CNTNAP5: variants seen among roughly 807,000 people sequenced by gnomAD.
The protein encoded by CNTNAP5 is contactin associated protein family member 5, also known as contactin-associated protein-like 5.
A neutral mutation model predicts 150.2 loss-of-function variants in CNTNAP5; 72 were observed. That is an observed-to-expected ratio of 0.48 (90% CI 0.40 to 0.58). The LOEUF is 0.58. Ranked by LOEUF, CNTNAP5 falls within the 20% of genes least tolerant of loss-of-function variation. The pLI, the probability that CNTNAP5 is intolerant of heterozygous loss-of-function variation, is 0.00. For synonymous variants in CNTNAP5, 672 were observed against 619.8 expected, an observed-to-expected ratio of 1.08 and a Z score of -1.25; for missense variants, 1,636 against 1,626.2, an observed-to-expected ratio of 1.01 and a Z score of -0.10.
chr2:124,636,333 A>G (rs1677967945), intron 12 of CNTNAP5, among the ~76,000 whole-genome samples: 1 of 152,214 alleles, frequency 6.6e-6, no homozygotes, highest in African/African-American at 2.4e-5. Flanking sequence ...GACATTACAT[A>G]TCTAATGCAT....
chr2:124,275,022 C>T (rs1219298519), intron 3 of CNTNAP5, among the ~76,000 whole-genome samples: 1 of 152,120 alleles, frequency 6.6e-6, no homozygotes, highest in African/African-American at 2.4e-5. Flanking sequence ...CAAGGAGGAG[C>T]AAGTCACATT....
chr2:124,680,802 C>T (rs1338737424), intron 13 of CNTNAP5: 1 of 151,682 alleles, frequency 6.6e-6, no homozygotes, highest in African/African-American at 2.4e-5. Flanking sequence ...AAAGCGCATG[C>T]AATATATATT....
At chr2:124,505,872 A>C in intron 8 of CNTNAP5, among the ~76,000 whole-genome samples, 1 of 152,356 alleles carries the variant, frequency 6.6e-6, no homozygotes, top group Middle Eastern at 3.4e-3. Context: ...TGAATAAACA[A>C]TCTGAATAAA....
At chr2:124,515,864 A>G (rs2104876943) in intron 8 of CNTNAP5, among the ~76,000 whole-genome samples, 1 of 152,326 alleles carries the variant, frequency 6.6e-6, no homozygotes, top group Middle Eastern at 3.4e-3. Flanking sequence ...TTAGAGAAAG[A>G]GTAGATTGTC....
At chr2:124,476,690 C>A (rs929462799) in intron 7 of CNTNAP5, among the ~76,000 whole-genome samples, 1 of 152,104 alleles carries the variant, frequency 6.6e-6, no homozygotes, top group South Asian at 2.1e-4. Flanking sequence ...CAGAGAGTCC[C>A]AGATTGATCT....
At chr2:124,723,571 C>T (rs1457472284) in intron 13 of CNTNAP5, among the ~76,000 whole-genome samples, 1 of 152,196 alleles carries the variant, frequency 6.6e-6, no homozygotes, top group African/African-American at 2.4e-5. Context: ...TTTGCTAGGA[C>T]TGCCTTAACA....
At chr2:124,196,832 T>C (rs1257238364) in intron 1 of CNTNAP5, among the ~76,000 whole-genome samples, 1 of 152,208 alleles carries the variant, frequency 6.6e-6, no homozygotes, top group African/African-American at 2.4e-5. Flanking sequence ...TCATCTGCAC[T>C]GTCCCCAAGC....
At chr2:124,559,352 A>G (rs143111524) in intron 10 of CNTNAP5, among the ~76,000 whole-genome samples, 49 of 152,098 alleles carry the variant, frequency 3.2e-4, no homozygotes, top group Non-Finnish European at 6.2e-4. Flanking sequence ...CTGCTTTTAT[A>G]CAGAGGCTAA....
At chr2:124,807,022 T>A (rs373903348) in intron 19 of CNTNAP5, among the ~76,000 whole-genome samples, 3 of 151,522 alleles carry the variant, frequency 2.0e-5, no homozygotes, top group African/African-American at 7.3e-5. Context: ...ATAGTTGGAG[T>A]CAGTGTGAAG....
chr2:124,856,104 G>A (rs1246815448), intron 19 of CNTNAP5, among the ~76,000 whole-genome samples: 1 of 151,586 alleles, frequency 6.6e-6, no homozygotes. Flanking sequence ...GTGTGTGTGT[G>A]TGTGTGTGTA....
chr2:124,313,788 G>T (rs984961625), intron 3 of CNTNAP5, among the ~76,000 whole-genome samples: 2 of 152,170 alleles, frequency 1.3e-5, no homozygotes, highest in African/African-American at 4.8e-5. Flanking sequence ...AAACCACAGG[G>T]CAGGCAGGGG....
chr2:124,410,653 C>T lies in CNTNAP5; in HGVS notation c.382-6790C>T, dbSNP rs548248042. Among the ~76,000 whole-genome samples the T allele has an allele frequency of 2.0e-5, 3 of 150,276 alleles. No homozygotes were observed. The South Asian group carries it at 6.5e-4, about 32-fold the overall frequency. On this transcript the variant is annotated intron_variant, in intron 3 of 23. Transcript: ENST00000682447. ...TACTGGATACATAACGAAATGAAGG[C>T]AGAAATAAAGCTGTTCTTTGAAACC...
intron 1 of CNTNAP5, among the ~76,000 whole-genome samples, chr2:124,080,171 T>C (rs1420544266): frequency 6.6e-6 from 1 of 152,214 alleles, no homozygotes; most frequent in Admixed American, 6.5e-5. Flanking sequence ...CTTACATTTA[T>C]TTTGTGCTCT....
intron 19 of CNTNAP5, among the ~76,000 whole-genome samples, chr2:124,821,057 C>A (rs909544597): frequency 1.3e-5 from 2 of 152,196 alleles, no homozygotes; most frequent in African/African-American, 4.8e-5. Flanking sequence ...AGGCAGGAAA[C>A]CATGCAGTTC....
chr2:124,634,372 C>T (rs1677928234), intron 12 of CNTNAP5, among the ~76,000 whole-genome samples: 1 of 152,196 alleles, frequency 6.6e-6, no homozygotes, highest in African/African-American at 2.4e-5. Flanking sequence ...CAAAATTCCA[C>T]AGATCCCAAG....
At chr2:124,292,615 G>A (rs935193940) in intron 3 of CNTNAP5, among the ~76,000 whole-genome samples, 2 of 152,060 alleles carry the variant, frequency 1.3e-5, no homozygotes, top group East Asian at 3.9e-4. Context: ...TTGAAGAGAA[G>A]CATAGAGGCT....
chr2:124,742,442 G>A (rs968445215), intron 13 of CNTNAP5, among the ~76,000 whole-genome samples: 2 of 151,998 alleles, frequency 1.3e-5, no homozygotes, highest in African/African-American at 4.8e-5. Context: ...TGAAACTTGG[G>A]GTAGGGAGAT....
chr2:124,744,041 A>C (rs1485977955), intron 13 of CNTNAP5, among the ~76,000 whole-genome samples: 1 of 152,130 alleles, frequency 6.6e-6, no homozygotes, highest in Non-Finnish European at 1.5e-5. Context: ...TCTTCATAGC[A>C]CACTTGCTGT....
chr2:124,781,114 C>T (rs1211872388), intron 17 of CNTNAP5, among the ~76,000 whole-genome samples: 1 of 152,106 alleles, frequency 6.6e-6, no homozygotes, highest in Admixed American at 6.6e-5. Flanking sequence ...TCCTTTTTTC[C>T]CCACTCACAT....
Sources: gnomAD v4.1 joint callset for allele counts (sites outside exome capture counted in the v4.1 genomes callset) on GRCh38, gnomAD v4.1.1 for gene constraint, MANE v1.5 for transcripts, NCBI Gene and HGNC (gene_info 2026-07-23, HGNC 2026-07-21) for gene names.